Variants in FAT3 observed in about 807,000 individuals in gnomAD.
The protein encoded by FAT3 is FAT atypical cadherin 3.
In FAT3, 95 loss-of-function variants were observed where a neutral mutation model predicts 310.2. The ratio of observed to expected loss-of-function variants is 0.31; its 90% CI spans 0.26 to 0.36. The LOEUF is 0.36. Ranked by LOEUF, FAT3 falls within the 10% of genes least tolerant of loss-of-function variation. The pLI is 1.00. For missense variants in FAT3, 5,408 were observed against 5,715.6 expected (o/e 0.95, Z 1.74); for synonymous variants, 2,314 against 2,192.9 (o/e 1.06, Z -1.54).
At chr11:92,615,068 A>G (rs1225936871) in intron 3 of FAT3, among the ~76,000 whole-genome samples, 1 of 152,176 alleles carries the variant, frequency 6.6e-6, no homozygotes, top group Non-Finnish European at 1.5e-5. Flanking sequence ...CTATGTGTCT[A>G]TTCTAGTGCT....
At chr11:92,702,902 C>T (rs1167555061) in intron 4 of FAT3, among the ~76,000 whole-genome samples, 1 of 152,052 alleles carries the variant, frequency 6.6e-6, no homozygotes, top group Non-Finnish European at 1.5e-5. Context: ...GCCCAGTAAC[C>T]AGTGTAAAGA....
chr11:92,514,237 C>G (rs1337667196), intron 2 of FAT3, among the ~76,000 whole-genome samples: 1 of 152,106 alleles, frequency 6.6e-6, no homozygotes. Flanking sequence ...TGTGTATCTA[C>G]TTATTCATTT....
rs1355249336 is a variant in FAT3, at chr11:92,353,984, T to C, written c.1872T>C (p.Phe624=). The C allele has an allele frequency of 6.2e-7, 1 of 1,612,940 alleles. No homozygotes were observed. The highest frequency in any genetic ancestry group is 1.3e-5 in the African/African-American group (1 of 75,008). The change falls in exon 2 of 28, where the codon TTT becomes TTC. Residue 624 remains phenylalanine (F), a synonymous_variant. Coordinates refer to ENST00000525166, the MANE Select transcript of FAT3 (RefSeq NM_001367949.2). The part of the protein sequence containing the change: ...KIISGNELGF[F]YLNPDSGVLQ... ...TTTCTGGAAATGAACTTGGCTTCTT[T>C]TATTTAAACCCAGATTCTGGTGTTT...
intron 3 of FAT3, among the ~76,000 whole-genome samples, chr11:92,595,366 T>C (rs539045945): frequency 3.1e-4 from 47 of 152,238 alleles, no homozygotes; most frequent in Admixed American, 1.5e-3. Context: ...GGCTGGAATC[T>C]GTTGAATTGA....
At chr11:92,496,590 C>G (rs1248885162) in intron 2 of FAT3, among the ~76,000 whole-genome samples, 1 of 151,962 alleles carries the variant, frequency 6.6e-6, no homozygotes, top group South Asian at 2.1e-4. Context: ...TGGGGTTGCT[C>G]TATGTGCTGC....
chr11:92,545,368 C>G (rs988161340), intron 3 of FAT3, among the ~76,000 whole-genome samples: 1 of 152,130 alleles, frequency 6.6e-6, no homozygotes, highest in African/African-American at 2.4e-5. Context: ...TATTTTTTCA[C>G]AGACTGGAAG....
chr11:92,467,338 G>A (rs964768447), intron 2 of FAT3, among the ~76,000 whole-genome samples: 11 of 152,186 alleles, frequency 7.2e-5, no homozygotes, highest in African/African-American at 2.7e-4. Flanking sequence ...GTGATGGTGA[G>A]CATTTTTTCA....
intron 24 of FAT3, among the ~76,000 whole-genome samples, chr11:92,884,595 G>A (rs547645993): frequency 1.3e-5 from 2 of 152,314 alleles, no homozygotes; most frequent in East Asian, 3.9e-4. Flanking sequence ...TGGAGCTAGA[G>A]ACCATGGGCA....
At chr11:92,837,109 T>G (rs550004055) in intron 16 of FAT3, among the ~76,000 whole-genome samples, 31 of 152,260 alleles carry the variant, frequency 2.0e-4, no homozygotes, top group African/African-American at 7.2e-4. Flanking sequence ...AATTTCTCTG[T>G]CCAAGGTTAA....
intron 16 of FAT3, 100 bp downstream of exon 16, chr11:92,836,803 C>T: frequency 1.5e-6 from 2 of 1,374,310 alleles, no homozygotes. Context: ...GTTCTCCATT[C>T]TAAGTAATGA....
At chr11:92,785,047 A>ATT in intron 7 of FAT3, among the ~76,000 whole-genome samples, 1 of 151,800 alleles carries the variant, frequency 6.6e-6, no homozygotes, top group Middle Eastern at 3.4e-3. Flanking sequence ...ACACTTTTTA[A>ATT]CCCTTTTTCT....
intron 1 of FAT3, among the ~76,000 whole-genome samples, chr11:92,242,809 G>T (rs1864720077): frequency 6.6e-6 from 1 of 151,914 alleles, no homozygotes. Flanking sequence ...AGCTGGGCAT[G>T]GATTATTATT....
At chr11:92,603,318 A>G (rs539746215) in intron 3 of FAT3, among the ~76,000 whole-genome samples, 3 of 152,298 alleles carry the variant, frequency 2.0e-5, no homozygotes, top group African/African-American at 7.2e-5. Context: ...GAGAAACTAG[A>G]TTGTATATGA....
At chr11:92,551,414 T>TTGTGTGTGTG (rs71473973) in intron 3 of FAT3, among the ~76,000 whole-genome samples, 30,840 of 128,828 alleles carry the variant, frequency 0.24, 4,216 homozygotes, top group Non-Finnish European at 0.3. Context: ...TTTTTTTGTT[T>TTGTGTGTGTG]TGTGTGTGTG....
chr11:92,278,427 C>T (rs999422126), intron 1 of FAT3, among the ~76,000 whole-genome samples: 5 of 152,022 alleles, frequency 3.3e-5, no homozygotes, highest in African/African-American at 1.2e-4. Flanking sequence ...TTTGGATGTT[C>T]TATACCTTTG....
chr11:92,285,837 GA>G (rs777138206), intron 1 of FAT3, among the ~76,000 whole-genome samples: 20 of 152,146 alleles, frequency 1.3e-4, no homozygotes, highest in Non-Finnish European at 2.6e-4. Flanking sequence ...TAAGGTAGCA[GA>G]GGGTAGAAAT....
Position 92,495,521 on chromosome 11 carries a change from C to T in FAT3, c.3293-29113C>T, listed in dbSNP as rs532365017. ...TTAGGAGCACATTATCTCTAGTTTG[C>T]TGGTGTGGAGGAGAGAAGCAGAAAG... On this transcript the variant is annotated intron_variant, in intron 2 of 27. Coordinates refer to ENST00000525166, the MANE Select transcript of FAT3 (RefSeq NM_001367949.2). Among the ~76,000 whole-genome samples the T allele has an allele frequency of 3.9e-5, 6 of 151,990 alleles. No homozygotes were observed. In the South Asian group the frequency reaches 6.2e-4, roughly 16 times the overall value.
intron 8 of FAT3, 53 bp downstream of exon 8, chr11:92,790,271 C>T: frequency 1.9e-6 from 3 of 1,575,538 alleles, no homozygotes; most frequent in Middle Eastern, 1.7e-4. Context: ...CTGTTCAGGC[C>T]ACACACATTA....
intron 4 of FAT3, among the ~76,000 whole-genome samples, chr11:92,740,151 C>G (rs1403109585): frequency 6.6e-6 from 1 of 152,170 alleles, no homozygotes; most frequent in Non-Finnish European, 1.5e-5. Context: ...GATTGTAAAT[C>G]ATCATCTGTA....
Sources: allele counts gnomAD v4.1 joint callset (sites outside exome capture counted in the v4.1 genomes callset), GRCh38; gene constraint gnomAD v4.1.1; transcripts MANE v1.5; gene names NCBI Gene and HGNC (gene_info 2026-07-23, HGNC 2026-07-21).